GOLM2: variants seen among roughly 807,000 people sequenced by gnomAD.
GOLM2 encodes the protein protein GOLM2.
A neutral mutation model predicts 55.9 loss-of-function variants in GOLM2; 26 were observed. The ratio of observed to expected loss-of-function variants is 0.47; its 90% CI spans 0.34 to 0.65. GOLM2 has a LOEUF of 0.65. Among genes scored for constraint, GOLM2 ranks in the 30% least tolerant of loss-of-function variants. The pLI is 0.01. For synonymous variants in GOLM2, 165 were observed against 194.6 expected (o/e 0.85, Z 1.27); for missense variants, 486 against 531.8 (o/e 0.91, Z 0.85).
chr15:44,316,495 C>T (rs893256823), intron 1 of GOLM2, among the ~76,000 whole-genome samples: 1 of 152,186 alleles, frequency 6.6e-6, no homozygotes, highest in African/African-American at 2.4e-5. Flanking sequence ...GTGGCTCACG[C>T]CTGTAATCCC....
intron 4 of GOLM2, among the ~76,000 whole-genome samples, chr15:44,335,503 T>C (rs2079050602): frequency 6.6e-6 from 1 of 152,214 alleles, no homozygotes; most frequent in African/African-American, 2.4e-5. Flanking sequence ...TGTTCAATAT[T>C]TTTCTTATCC....
At chr15:44,331,228 A>C (rs1043736396) in intron 3 of GOLM2, among the ~76,000 whole-genome samples, 1 of 152,052 alleles carries the variant, frequency 6.6e-6, no homozygotes, top group Non-Finnish European at 1.5e-5. Flanking sequence ...TGTTGGCCAG[A>C]CTGATCTCAA....
At chr15:44,408,587 A>G (rs1337615232) in intron 9 of GOLM2, among the ~76,000 whole-genome samples, 1 of 152,212 alleles carries the variant, frequency 6.6e-6, no homozygotes, top group East Asian at 1.9e-4. Context: ...TAGGAACTAG[A>G]TCATGTTTGT....
chr15:44,353,221 A>T (rs944219984), intron 6 of GOLM2, among the ~76,000 whole-genome samples: 1 of 152,240 alleles, frequency 6.6e-6, no homozygotes, highest in South Asian at 2.1e-4. Context: ...GATTGTATCC[A>T]AAAGACAGGC....
At position 44,413,818 on chromosome 15, in the gene GOLM2, T is replaced by TG. The variant is rs2079655127; in HGVS notation, c.*412_*413insG. ...CTTTTTATACTCTAATTCTTTTTTT[T>TG]TTTTTTTTTGAGACAGAGTTTTAGT... On this transcript the variant is annotated 3_prime_UTR_variant, in exon 10 of 10. Transcript: ENST00000299957. 6.6e-6 allele frequency: 1 copy of TG among 152,480 alleles called. No homozygotes were observed. Among genetic ancestry groups the TG allele is most frequent in the Admixed American group, 6.6e-5 (1 of 15,222 alleles). The allele number at this position is 152,480 out of a possible 1,614,324, so 9.4% of individuals were successfully genotyped here. A position where few individuals can be genotyped will look rare whatever the true frequency, so the allele number is the denominator to read the frequency against.
rs895623812 is a variant in GOLM2, at chr15:44,304,230, C to CTT, written c.327+14902_327+14903dup. 1.5e-3 allele frequency among the ~76,000 whole-genome samples: 124 copies of CTT among 82,912 alleles called. 7 individuals carry two copies. The highest frequency in any genetic ancestry group is 3.5e-3 in the East Asian group (8 of 2,298). The allele number at this position is 82,912 out of a possible 152,430, so 54.4% of individuals were successfully genotyped here. ...TCAGTCACGTCTTCAGGCTCCACTT[C>CTT]TTTTTTTTTTTTTTTTTTTTTTTTT... is the stretch of plus-strand genomic sequence containing the variant. On this transcript the variant is annotated intron_variant, in intron 1 of 9. Transcript: ENST00000299957.
Position 44,413,343 on chromosome 15 carries a change from A to G in GOLM2, c.1248A>G (p.Glu416=), listed in dbSNP as rs747695449. The G allele has an allele frequency of 1.2e-6, 2 of 1,609,124 alleles. No individual in the cohort carries two copies. Among genetic ancestry groups the G allele is most frequent in the South Asian group, 2.2e-5 (2 of 90,508 alleles). Residue 416 remains glutamate (E), a synonymous_variant, in exon 10 of 10, where the codon GAA becomes GAG. Transcript: ENST00000299957. Reference sequence around the variant, plus strand: ...AAATTATTTTACTTACAGATGATGAAGAACGAGAGCTTCAAATGGATCCTG... The same window carrying G: ...AAATTATTTTACTTACAGATGATGAGGAACGAGAGCTTCAAATGGATCCTG... ...DGGEEDVQDD[E]ERELQMDPAD...
intron 1 of GOLM2, among the ~76,000 whole-genome samples, chr15:44,306,879 C>T (rs1341689206): frequency 6.6e-6 from 1 of 152,172 alleles, no homozygotes; most frequent in Non-Finnish European, 1.5e-5. Flanking sequence ...TCTATTTACA[C>T]ACACAACATT....
At chr15:44,361,111 A>G (rs866389083) in intron 6 of GOLM2, among the ~76,000 whole-genome samples, 15 of 150,606 alleles carry the variant, frequency 1.0e-4, no homozygotes, top group African/African-American at 1.5e-4. Flanking sequence ...GGAAAGATCC[A>G]AAATTGACAC....
intron 8 of GOLM2, among the ~76,000 whole-genome samples, chr15:44,384,844 G>C (rs1351088214): frequency 1.3e-5 from 2 of 151,880 alleles, no homozygotes; most frequent in African/African-American, 4.8e-5. Flanking sequence ...GGGAGTTGGA[G>C]GTTGCAGTGA....
chr15:44,411,701 C>T (rs904257065), intron 9 of GOLM2, among the ~76,000 whole-genome samples: 1 of 151,714 alleles, frequency 6.6e-6, no homozygotes, highest in African/African-American at 2.4e-5. Context: ...CGGTGGCAAG[C>T]GCCTTTAGTC....
rs1227622898 is a variant in GOLM2 at position 44,379,764 on chromosome 15, C to G, written c.877C>G (p.Pro293Ala). The G allele has an allele frequency of 6.2e-7, 1 of 1,610,196 alleles. No individual in the cohort carries two copies. The highest frequency in any genetic ancestry group is 1.7e-5 in the Admixed American group (1 of 59,922). ...AATCTCCCATCTTCCAACTGGACAA[C>G]CTCTCTCCCCAAATATGCCTCCAGG... ...QAISHLPTGQPLSPNMPPDSH... is the reference protein window; with the variant it reads ...QAISHLPTGQALSPNMPPDSH... The change falls in exon 7 of 10, where the codon CCT becomes GCT. Residue 293 changes from proline (P) to alanine (A), a missense_variant. Pro to Ala is a conservative substitution (Grantham distance 27, BLOSUM62 -1). Transcript: ENST00000299957.
chr15:44,359,733 T>A (rs1166640132), intron 6 of GOLM2, among the ~76,000 whole-genome samples: 1 of 151,960 alleles, frequency 6.6e-6, no homozygotes, highest in Non-Finnish European at 1.5e-5. Flanking sequence ...GAAGAGCAAC[T>A]CCAAGACACA....
At chr15:44,365,740 T>C (rs1471896820) in intron 6 of GOLM2, among the ~76,000 whole-genome samples, 1 of 152,056 alleles carries the variant, frequency 6.6e-6, no homozygotes, top group Non-Finnish European at 1.5e-5. Context: ...GGCAGTGAAA[T>C]GCTCTGATAC....
intron 6 of GOLM2, among the ~76,000 whole-genome samples, chr15:44,379,461 G>A (rs574540800): frequency 5.3e-5 from 8 of 152,130 alleles, no homozygotes; most frequent in African/African-American, 1.9e-4. Flanking sequence ...CTGGGAGACA[G>A]GGCAAGACTC....
Position 44,392,215 on chromosome 15 carries a change from G to A in GOLM2, c.1073-10672G>A, listed in dbSNP as rs149065455. 2.5e-3 allele frequency among the ~76,000 whole-genome samples: 379 copies of A among 151,894 alleles called. 5 individuals are homozygous for A. Among genetic ancestry groups the A allele is most frequent in the African/African-American group, 8.9e-3 (368 of 41,454 alleles). On this transcript the variant is annotated intron_variant, in intron 8 of 9. Coordinates refer to ENST00000299957, the MANE Select transcript of GOLM2 (RefSeq NM_138423.4). Reference sequence around the variant, plus strand: ...CATAAACTTTCAGAGAATTGAAAAGGAAAAAAACACTCCCCAACCCATTTT... The same window carrying A: ...CATAAACTTTCAGAGAATTGAAAAGAAAAAAAACACTCCCCAACCCATTTT...
intron 1 of GOLM2, among the ~76,000 whole-genome samples, chr15:44,297,411 A>C (rs963998703): frequency 6.6e-6 from 1 of 151,972 alleles, no homozygotes; most frequent in Non-Finnish European, 1.5e-5. Flanking sequence ...CCTGACCCAA[A>C]TTGTATTTCA....
At chr15:44,376,010 G>A (rs1395607604) in intron 6 of GOLM2, among the ~76,000 whole-genome samples, 2 of 152,140 alleles carry the variant, frequency 1.3e-5, no homozygotes, top group African/African-American at 4.8e-5. Context: ...GCCGAGGTGG[G>A]CGGATCACCT....
chr15:44,383,179 A>C (rs2079416447), intron 8 of GOLM2, among the ~76,000 whole-genome samples: 1 of 151,682 alleles, frequency 6.6e-6, no homozygotes. Flanking sequence ...CTTAGGCAAT[A>C]ATAACAGTTT....
Sources: allele counts gnomAD v4.1 joint callset (sites outside exome capture counted in the v4.1 genomes callset), GRCh38; gene constraint gnomAD v4.1.1; transcripts MANE v1.5; gene names NCBI Gene and HGNC (gene_info 2026-07-23, HGNC 2026-07-21).